The following TIAM1 variants were observed in gnomAD, a reference collection of about 807,000 sequenced individuals.
TIAM1 encodes TIAM Rac1 associated GEF 1, also known as rho guanine nucleotide exchange factor TIAM1.
In TIAM1, 65 loss-of-function variants were observed where a neutral mutation model predicts 163.5. That is an observed-to-expected ratio of 0.40 (90% CI 0.33 to 0.49). The LOEUF (loss-of-function observed/expected upper bound fraction) is 0.49, where lower values mean the gene tolerates loss of function less well. Among genes scored for constraint, TIAM1 ranks in the 20% least tolerant of loss-of-function variants. TIAM1 has a pLI of 0.77. For missense variants in TIAM1, 1,789 were observed against 2,044.7 expected (o/e 0.87, Z 2.41); for synonymous variants, 833 against 810.1 (o/e 1.03, Z -0.48).
At chr21:31,324,173 C>T (rs749078726) in intron 2 of TIAM1, among the ~76,000 whole-genome samples, 2 of 151,980 alleles carry the variant, frequency 1.3e-5, no homozygotes, top group African/African-American at 2.4e-5. Context: ...TGACTGCGTG[C>T]GTGGAAAAGT....
At chr21:31,464,772 G>A (rs2147357533) in intron 1 of TIAM1, among the ~76,000 whole-genome samples, 1 of 151,784 alleles carries the variant, frequency 6.6e-6, no homozygotes, top group Admixed American at 6.6e-5. Context: ...GAACTCGGGA[G>A]GCGGAGATTG....
chr21:31,553,918 C>A (rs1165597344), intron 1 of TIAM1, among the ~76,000 whole-genome samples: 1 of 152,140 alleles, frequency 6.6e-6, no homozygotes, highest in Admixed American at 6.5e-5. Flanking sequence ...TCATCGTGAC[C>A]TCCCCCTGCC....
chr21:31,152,534 A>T lies in TIAM1; in HGVS notation c.3366+102T>A, dbSNP rs9305453. The T allele has an allele frequency of 6.7e-7, 1 of 1,498,390 alleles. No individual in the cohort carries two copies. Among genetic ancestry groups the T allele is most frequent in the Non-Finnish European group, 9.1e-7 (1 of 1,103,806 alleles). The allele number at this position is 1,498,390 out of a possible 1,614,324, so 92.8% of individuals were successfully genotyped here. A position where few individuals can be genotyped will look rare whatever the true frequency, so the allele number is the denominator to read the frequency against. ...CTCCCTCTCAGACACCCTTAGGAAC[A>T]GACCCCACTGTGGCCCTCCAATGAA... On this transcript the variant is annotated intron_variant, in intron 19 of 27. Transcript: ENST00000541036.
At chr21:31,370,244 A>G (rs2076573285) in intron 2 of TIAM1, among the ~76,000 whole-genome samples, 1 of 152,230 alleles carries the variant, frequency 6.6e-6, no homozygotes, top group South Asian at 2.1e-4. Flanking sequence ...CACGATTCAA[A>G]AAGATGAGCT....
At chr21:31,367,587 C>T (rs2076523555) in intron 2 of TIAM1, among the ~76,000 whole-genome samples, 2 of 152,066 alleles carry the variant, frequency 1.3e-5, no homozygotes, top group Admixed American at 1.3e-4. Flanking sequence ...TCTTTTCTTA[C>T]CAAAGGCCAC....
intron 11 of TIAM1, among the ~76,000 whole-genome samples, chr21:31,209,250 C>T (rs777033635): frequency 6.6e-6 from 1 of 152,158 alleles, no homozygotes; most frequent in African/African-American, 2.4e-5. Flanking sequence ...AGACCTGATA[C>T]GACTACGACA....
intron 3 of TIAM1, among the ~76,000 whole-genome samples, chr21:31,271,440 G>T (rs1206137488): frequency 6.6e-6 from 1 of 152,096 alleles, no homozygotes; most frequent in East Asian, 1.9e-4. Context: ...TGCTCTCTGG[G>T]TCCCTTCCAC....
intron 1 of TIAM1, among the ~76,000 whole-genome samples, chr21:31,498,764 G>A (rs983109246): frequency 1.3e-5 from 2 of 151,952 alleles, no homozygotes; most frequent in African/African-American, 2.4e-5. Context: ...TGGCCAACAT[G>A]GTGAAACCCC....
chr21:31,336,991 G>C (rs1236814055), intron 2 of TIAM1, among the ~76,000 whole-genome samples: 1 of 152,148 alleles, frequency 6.6e-6, no homozygotes, highest in Admixed American at 6.5e-5. Flanking sequence ...AGTATAAAGA[G>C]AATCCAAGCA....
At chr21:31,292,391 A>C (rs984861547) in intron 2 of TIAM1, among the ~76,000 whole-genome samples, 6 of 143,548 alleles carry the variant, frequency 4.2e-5, no homozygotes, top group Non-Finnish European at 7.5e-5. Flanking sequence ...TTTTTTTGAG[A>C]CAGAGTCTTG....
At chr21:31,210,813 A>AGAAAGAAAGAAAGAAAGAAAGGTC (rs1555891452) in intron 10 of TIAM1, among the ~76,000 whole-genome samples, 1 of 148,778 alleles carries the variant, frequency 6.7e-6, no homozygotes, top group Non-Finnish European at 1.5e-5. Flanking sequence ...AAAGAAAGAA[A>AGAAAGAAAGAAAGAAAGAAAGGTC]GGTCACCATT....
At chr21:31,287,862 G>A (rs2073871472) in intron 2 of TIAM1, among the ~76,000 whole-genome samples, 1 of 152,144 alleles carries the variant, frequency 6.6e-6, no homozygotes, top group South Asian at 2.1e-4. Context: ...TTTCCCACCT[G>A]GGTAGCTTGG....
intron 15 of TIAM1, among the ~76,000 whole-genome samples, chr21:31,177,593 T>C (rs1371238525): frequency 6.6e-6 from 1 of 151,946 alleles, no homozygotes; most frequent in Non-Finnish European, 1.5e-5. Flanking sequence ...GGTGACAGAG[T>C]GAGACTCTGT....
At chr21:31,472,524 GA>G (rs952439045) in intron 1 of TIAM1, among the ~76,000 whole-genome samples, 2 of 151,610 alleles carry the variant, frequency 1.3e-5, no homozygotes, top group African/African-American at 4.8e-5. Flanking sequence ...AAGACTGTCT[GA>G]AAAAAAATAA....
At chr21:31,263,504 A>G (rs140422154) in intron 4 of TIAM1, among the ~76,000 whole-genome samples, 3 of 152,298 alleles carry the variant, frequency 2.0e-5, no homozygotes, top group Non-Finnish European at 2.9e-5. Context: ...GAAATTTCGT[A>G]TAATAATGAC....
chr21:31,535,410 A>AAAAG (rs2048101985), intron 1 of TIAM1, among the ~76,000 whole-genome samples: 1 of 136,294 alleles, frequency 7.3e-6, no homozygotes, highest in Admixed American at 7.6e-5. Context: ...AAAAAAAAAA[A>AAAAG]GTTTATCCAG....
At chr21:31,383,123 C>T (rs2076807029) in intron 2 of TIAM1, among the ~76,000 whole-genome samples, 1 of 151,962 alleles carries the variant, frequency 6.6e-6, no homozygotes, top group Admixed American at 6.6e-5. Context: ...ACCTGTAATC[C>T]CAGCTACTCG....
intron 7 of TIAM1, among the ~76,000 whole-genome samples, chr21:31,224,987 G>C (rs1033682304): frequency 2.6e-5 from 4 of 151,866 alleles, no homozygotes; most frequent in African/African-American, 9.7e-5. Context: ...TATATATCTA[G>C]ATCTAGATAG....
intron 2 of TIAM1, among the ~76,000 whole-genome samples, chr21:31,405,983 T>G (rs989047564): frequency 7.2e-5 from 11 of 152,112 alleles, no homozygotes; most frequent in African/African-American, 2.7e-4. Context: ...GCTTTAAAAG[T>G]ATAAAAGACT....
Sources: gnomAD v4.1 joint callset for allele counts (sites outside exome capture counted in the v4.1 genomes callset) on GRCh38, gnomAD v4.1.1 for gene constraint, MANE v1.5 for transcripts, NCBI Gene and HGNC (gene_info 2026-07-23, HGNC 2026-07-21) for gene names.